ZNF385B: variants seen among roughly 807,000 people sequenced by gnomAD.
ZNF385B encodes zinc finger protein 533.
Under a neutral mutation model 39.2 loss-of-function variants are expected in ZNF385B, and 23 were observed. The ratio of observed to expected loss-of-function variants is 0.59; its 90% CI spans 0.42 to 0.83. The LOEUF (loss-of-function observed/expected upper bound fraction) is 0.83, where lower values mean the gene tolerates loss of function less well. Among genes scored for constraint, ZNF385B ranks in the 40% least tolerant of loss-of-function variants. The pLI, the probability that ZNF385B is intolerant of heterozygous loss-of-function variation, is 0.00. For missense variants in ZNF385B, 552 were observed against 598.9 expected, an observed-to-expected ratio of 0.92 and a Z score of 0.82; for synonymous variants, 205 against 222.6, an observed-to-expected ratio of 0.92 and a Z score of 0.70.
chr2:179,552,665 T>C (rs1040379116), intron 3 of ZNF385B, among the ~76,000 whole-genome samples: 22 of 149,096 alleles, frequency 1.5e-4, no homozygotes, highest in Non-Finnish European at 2.8e-4. Flanking sequence ...TCTCTCAGCA[T>C]TTCTTTTCTT....
intron 3 of ZNF385B, among the ~76,000 whole-genome samples, chr2:179,645,684 A>G (rs1692658098): frequency 2.0e-5 from 3 of 152,060 alleles, no homozygotes; most frequent in African/African-American, 7.2e-5. Flanking sequence ...CTCAGGTCCT[A>G]GCTCATGTAC....
intron 1 of ZNF385B, among the ~76,000 whole-genome samples, chr2:179,775,563 G>A (rs1008507073): frequency 6.6e-6 from 1 of 152,072 alleles, no homozygotes; most frequent in Non-Finnish European, 1.5e-5. Context: ...TTTTAATTGG[G>A]GTGCTCTGGT....
At chr2:179,493,491 A>AAATGTGTGTACATATATG in intron 5 of ZNF385B, among the ~76,000 whole-genome samples, 1 of 98,502 alleles carries the variant, frequency 1.0e-5, no homozygotes, top group Non-Finnish European at 2.3e-5. Context: ...ATATGTATAA[A>AAATGTGTGTACATATATG]CGTGTGTGTA....
At chr2:179,568,134 C>T (rs1445598868) in intron 3 of ZNF385B, among the ~76,000 whole-genome samples, 2 of 152,164 alleles carry the variant, frequency 1.3e-5, no homozygotes, top group Admixed American at 6.5e-5. Context: ...AAGATCTAAG[C>T]GTCCTTCCTC....
chr2:179,808,089 G>C (rs1706494484), intron 1 of ZNF385B, among the ~76,000 whole-genome samples: 1 of 151,814 alleles, frequency 6.6e-6, no homozygotes, highest in South Asian at 2.1e-4. Flanking sequence ...CTGGAGTGCA[G>C]TGGCGGGATC....
chr2:179,852,371 G>A (rs1468654403), intron 1 of ZNF385B, among the ~76,000 whole-genome samples: 2 of 152,122 alleles, frequency 1.3e-5, no homozygotes, highest in Non-Finnish European at 2.9e-5. Context: ...CCATCAATGT[G>A]GTTACAAAAA....
intron 3 of ZNF385B, among the ~76,000 whole-genome samples, chr2:179,614,344 C>T (rs908285): frequency 0.93 from 142,197 of 152,244 alleles, 66,494 homozygotes; most frequent in East Asian, 1. Flanking sequence ...GAATCTACAA[C>T]AATGCTTGGA....
chr2:179,543,990 G>C (rs1249623359), intron 4 of ZNF385B, among the ~76,000 whole-genome samples: 2 of 152,284 alleles, frequency 1.3e-5, no homozygotes, highest in Admixed American at 1.3e-4. Flanking sequence ...TTACAATGCT[G>C]TATCATTAAT....
At chr2:179,538,807 C>T (rs2059741704) in intron 4 of ZNF385B, among the ~76,000 whole-genome samples, 1 of 152,156 alleles carries the variant, frequency 6.6e-6, no homozygotes, top group Non-Finnish European at 1.5e-5. Context: ...TAGTGACTGC[C>T]CTTGTACTTG....
chr2:179,483,391 T>C lies in ZNF385B; in HGVS notation c.596A>G (p.Lys199Arg). ...TTTCGTTGCGTCTAGTGCTTTGACC[T>C]TCTTGGCATGTTTACTTCCTTTGTA... ...AHYKGSKHAK[K>R]VKALDATKNK... Residue 199 changes from lysine to arginine, a missense_variant, in exon 6 of 10, where the codon AAG becomes AGG. Transcript: ENST00000410066. The C allele has an allele frequency of 6.2e-7, 1 of 1,614,052 alleles. No homozygotes were observed. The highest frequency in any genetic ancestry group is 8.5e-7 in the Non-Finnish European group (1 of 1,179,928).
intron 4 of ZNF385B, among the ~76,000 whole-genome samples, chr2:179,521,917 C>T (rs186808905): frequency 1.7e-4 from 26 of 152,144 alleles, no homozygotes; most frequent in African/African-American, 6.0e-4. Flanking sequence ...TCTGTATTTC[C>T]TTAAGGTTTC....
At chr2:179,487,945 G>C (rs2054771221) in intron 5 of ZNF385B, among the ~76,000 whole-genome samples, 1 of 152,124 alleles carries the variant, frequency 6.6e-6, no homozygotes, top group Non-Finnish European at 1.5e-5. Flanking sequence ...ATGACAACTT[G>C]GAATGTTTTC....
At chr2:179,502,620 C>G (rs1194780625) in intron 5 of ZNF385B, among the ~76,000 whole-genome samples, 1 of 152,124 alleles carries the variant, frequency 6.6e-6, no homozygotes. Flanking sequence ...TCCCCAGAAG[C>G]AGAAGCCTGT....
intron 3 of ZNF385B, among the ~76,000 whole-genome samples, chr2:179,701,486 A>G (rs1406531187): frequency 1.3e-5 from 2 of 152,238 alleles, no homozygotes; most frequent in Non-Finnish European, 2.9e-5. Context: ...TATTTAATAT[A>G]CAGTGTAAAG....
intron 3 of ZNF385B, among the ~76,000 whole-genome samples, chr2:179,554,263 C>CA (rs2060766802): frequency 6.7e-6 from 1 of 148,670 alleles, no homozygotes; most frequent in Admixed American, 6.7e-5. Flanking sequence ...CATGTGTTAT[C>CA]AAAAAAATGT....
rs1575614217 is a variant in ZNF385B at position 179,861,605 on chromosome 2, G to A, written c.-659C>T. On this transcript the variant is annotated 5_prime_UTR_variant, in exon 1 of 10. Transcript: ENST00000410066. ...AGGCGGAACCGTTCGGGGGCTCGTT[G>A]ACACTGCAGAGCCTCCCGCAGCATC... The A allele has an allele frequency of 6.6e-6, 1 of 152,372 alleles. No individual in the cohort carries two copies. Among genetic ancestry groups the A allele is most frequent in the East Asian group, 1.9e-4 (1 of 5,156 alleles). The allele number at this position is 152,372 out of a possible 1,614,324, so 9.4% of individuals were successfully genotyped here. A position where few individuals can be genotyped will look rare whatever the true frequency, so the allele number is the denominator to read the frequency against.
chr2:179,849,502 A>G (rs1462682606), intron 1 of ZNF385B, among the ~76,000 whole-genome samples: 2 of 152,208 alleles, frequency 1.3e-5, no homozygotes, highest in Non-Finnish European at 2.9e-5. Context: ...ATTTGTTGGC[A>G]TAATTCTTTC....
chr2:179,730,420 T>G (rs1575368206), intron 3 of ZNF385B, among the ~76,000 whole-genome samples: 1 of 152,228 alleles, frequency 6.6e-6, no homozygotes, highest in South Asian at 2.1e-4. Flanking sequence ...CTTGACTTCT[T>G]ACGTTCTATC....
Position 179,590,249 on chromosome 2 carries a change from G to C in ZNF385B, c.299-45280C>G, listed in dbSNP as rs78219525. ...AACTAATGTTCCTCAACTTCAGACA[G>C]CTTAGGCAAGGGAGTGAACCTCTTT... On this transcript the variant is annotated intron_variant, in intron 3 of 9. Transcript: ENST00000410066. Among the ~76,000 whole-genome samples the C allele has an allele frequency of 1.3e-3, 193 of 152,316 alleles. 1 individual carries two copies. The East Asian group carries it at 0.035, about 28-fold the overall frequency.
Sources: gnomAD v4.1 joint callset for allele counts (sites outside exome capture counted in the v4.1 genomes callset) on GRCh38, gnomAD v4.1.1 for gene constraint, MANE v1.5 for transcripts, NCBI Gene and HGNC (gene_info 2026-07-23, HGNC 2026-07-21) for gene names.